DLG2: variants seen among roughly 807,000 people sequenced by gnomAD.
DLG2 encodes the protein discs large MAGUK scaffold protein 2.
A neutral mutation model predicts 132.5 loss-of-function variants in DLG2; 45 were observed. That is an observed-to-expected ratio of 0.34 (90% CI 0.27 to 0.44). The LOEUF (loss-of-function observed/expected upper bound fraction) is 0.44. DLG2 is among the 20% of genes least tolerant of loss of function. The pLI is 1.00. For synonymous variants in DLG2, 424 were observed against 419.6 expected (o/e 1.01, Z -0.13); for missense variants, 1,045 against 1,196.9 (o/e 0.87, Z 1.87).
At position 83,944,495 on chromosome 11, in the gene DLG2, T is replaced by C. The variant is rs117821026; in HGVS notation, c.1341-14012A>G. Among the ~76,000 whole-genome samples the C allele has an allele frequency of 5.1e-3, 776 of 152,278 alleles. 13 individuals carry two copies. The highest frequency in any genetic ancestry group is 0.034 in the Admixed American group (517 of 15,300). ...TGAGGATCTAGAGAAAACTGTGCTTTATTACCGATCCTGACTGGCCCAGTA... is the reference window on the plus strand; with the variant it reads ...TGAGGATCTAGAGAAAACTGTGCTTCATTACCGATCCTGACTGGCCCAGTA... On this transcript the variant is annotated intron_variant, in intron 14 of 27. Coordinates refer to ENST00000376104, the MANE Select transcript of DLG2 (RefSeq NM_001142699.3).
Position 83,990,312 on chromosome 11 carries a change from A to G in DLG2, c.920-9670T>C, listed in dbSNP as rs561166623. On this transcript the variant is annotated intron_variant, in intron 11 of 27. Coordinates refer to ENST00000376104, the MANE Select transcript of DLG2 (RefSeq NM_001142699.3). Reference sequence around the variant, plus strand: ...ACATCAATTATAGAAAGCTGGGTTCATCTTTCCAATTTTCTTGCATATCTC... The same window carrying G: ...ACATCAATTATAGAAAGCTGGGTTCGTCTTTCCAATTTTCTTGCATATCTC... 1.1e-4 allele frequency among the ~76,000 whole-genome samples: 16 copies of G among 152,288 alleles called. No homozygotes were observed. In the South Asian group the frequency reaches 3.3e-3, roughly 32 times the overall value.
At chr11:83,877,290 A>G (rs2065013026) in intron 15 of DLG2, among the ~76,000 whole-genome samples, 1 of 152,086 alleles carries the variant, frequency 6.6e-6, no homozygotes, top group South Asian at 2.1e-4. Context: ...TTTTCCGTAT[A>G]CTTATTGGCT....
At chr11:84,084,952 A>T (rs1264306885) in intron 10 of DLG2, among the ~76,000 whole-genome samples, 1 of 152,068 alleles carries the variant, frequency 6.6e-6, no homozygotes, top group Non-Finnish European at 1.5e-5. Flanking sequence ...TCTGAAATTG[A>T]GCTTATTTTT....
chr11:83,989,713 T>C (rs1156233434), intron 11 of DLG2, among the ~76,000 whole-genome samples: 1 of 152,136 alleles, frequency 6.6e-6, no homozygotes, highest in Admixed American at 6.6e-5. Flanking sequence ...AGTCCCACTT[T>C]ACTGATCCAA....
chr11:84,040,052 C>T (rs1367325005), intron 11 of DLG2, among the ~76,000 whole-genome samples: 1 of 151,838 alleles, frequency 6.6e-6, no homozygotes, highest in Non-Finnish European at 1.5e-5. Context: ...CCTTCGCCCA[C>T]TTTTTGATAG....
chr11:83,638,845 C>T (rs960929971), intron 18 of DLG2, among the ~76,000 whole-genome samples: 1 of 152,294 alleles, frequency 6.6e-6, no homozygotes. Flanking sequence ...TTTCATTCAT[C>T]AGTATTATCT....
intron 6 of DLG2, among the ~76,000 whole-genome samples, chr11:85,055,598 T>C (rs541654559): frequency 1.3e-5 from 2 of 152,266 alleles, no homozygotes; most frequent in South Asian, 4.1e-4. Context: ...CTCTATGACT[T>C]GATAATTCAA....
chr11:83,496,185 GATAT>G (rs111574678), intron 21 of DLG2, among the ~76,000 whole-genome samples: 68 of 144,248 alleles, frequency 4.7e-4, no homozygotes, highest in African/African-American at 1.5e-3. Context: ...TTTAACATAA[GATAT>G]ATATATATAT....
At chr11:84,698,334 A>G (rs1232972381) in intron 6 of DLG2, among the ~76,000 whole-genome samples, 1 of 151,566 alleles carries the variant, frequency 6.6e-6, no homozygotes, top group Non-Finnish European at 1.5e-5. Flanking sequence ...TAGGTACTTT[A>G]CAAGTATTAG....
chr11:85,487,021 C>T (rs1425525122), intron 3 of DLG2, among the ~76,000 whole-genome samples: 1 of 150,900 alleles, frequency 6.6e-6, no homozygotes, highest in South Asian at 2.1e-4. Flanking sequence ...GTTCAAGATA[C>T]CACTGACCCT....
intron 3 of DLG2, among the ~76,000 whole-genome samples, chr11:85,287,148 C>G (rs553370203): frequency 6.6e-6 from 1 of 151,986 alleles, no homozygotes; most frequent in Admixed American, 6.6e-5. Context: ...ATGTCCAAAC[C>G]TATTAAATTA....
At chr11:85,611,006 A>T (rs1276421738) in intron 2 of DLG2, among the ~76,000 whole-genome samples, 1 of 152,200 alleles carries the variant, frequency 6.6e-6, no homozygotes, top group Admixed American at 6.5e-5. Flanking sequence ...CAGCCTTCAA[A>T]ACCTTAAAGC....
At chr11:83,564,679 T>C (rs1317952720) in intron 19 of DLG2, among the ~76,000 whole-genome samples, 2 of 152,174 alleles carry the variant, frequency 1.3e-5, no homozygotes, top group Non-Finnish European at 2.9e-5. Context: ...GCATTTATTA[T>C]TGGTGGGTTA....
At chr11:85,441,801 C>G (rs2091792481) in intron 3 of DLG2, among the ~76,000 whole-genome samples, 1 of 152,040 alleles carries the variant, frequency 6.6e-6, no homozygotes, top group South Asian at 2.1e-4. Context: ...GACAAGGATC[C>G]TGTCCAGGAA....
At chr11:84,845,340 G>C (rs891531427) in intron 6 of DLG2, among the ~76,000 whole-genome samples, 1 of 152,028 alleles carries the variant, frequency 6.6e-6, no homozygotes, top group Admixed American at 6.6e-5. Flanking sequence ...TTATGGGCCA[G>C]GTACAATTTT....
intron 18 of DLG2, among the ~76,000 whole-genome samples, chr11:83,644,541 C>T (rs1387220189): frequency 1.3e-5 from 2 of 152,016 alleles, no homozygotes; most frequent in Non-Finnish European, 2.9e-5. Flanking sequence ...CCTTGAGATG[C>T]TAAATGTGTT....
chr11:84,299,057 A>T lies in DLG2; in HGVS notation c.520-47766T>A, dbSNP rs146678434. Among the ~76,000 whole-genome samples, 250 of 152,340 alleles carry T rather than the reference A, an allele frequency of 1.6e-3. 1 individual carries two copies. The highest frequency in any genetic ancestry group is 5.8e-3 in the African/African-American group (242 of 41,590). ...TTTCATTATCACACACATTTAAGAA[A>T]CGTTCCACATATTTTACCAGTCTCT... On this transcript the variant is annotated intron_variant, in intron 7 of 27. Transcript: ENST00000376104.
chr11:83,933,605 C>G (rs73508263), intron 14 of DLG2, among the ~76,000 whole-genome samples: 3,114 of 152,308 alleles, frequency 0.02, 98 homozygotes, highest in African/African-American at 0.07. Flanking sequence ...ATTTCCTTGT[C>G]ATTTTTAATT....
intron 3 of DLG2, among the ~76,000 whole-genome samples, chr11:85,451,804 C>G (rs1314676578): frequency 6.6e-6 from 1 of 152,128 alleles, no homozygotes; most frequent in African/African-American, 2.4e-5. Context: ...CTTGCCTCAG[C>G]CTCCCAAAGT....
Sources: gnomAD v4.1 joint callset for allele counts (sites outside exome capture counted in the v4.1 genomes callset) on GRCh38, gnomAD v4.1.1 for gene constraint, MANE v1.5 for transcripts, NCBI Gene and HGNC (gene_info 2026-07-23, HGNC 2026-07-21) for gene names.